SLC30A8: variants seen among roughly 807,000 people sequenced by gnomAD.
SLC30A8 encodes the protein solute carrier family 30 member 8, also known as proton-coupled zinc antiporter SLC30A8.
Under a neutral mutation model 36.9 loss-of-function variants are expected in SLC30A8, and 27 were observed. The observed-to-expected ratio is 0.73, with a 90% confidence interval of 0.54 to 1.01. SLC30A8 has a LOEUF of 1.01. Ranked by LOEUF, SLC30A8 falls within the 50% of genes least tolerant of loss-of-function variation. SLC30A8 has a pLI of 0.00. For missense variants in SLC30A8, 439 were observed against 452.0 expected (o/e 0.97, Z 0.26); for synonymous variants, 164 against 172.4 (o/e 0.95, Z 0.38).
intron 4 of SLC30A8, among the ~76,000 whole-genome samples, chr8:117,159,336 T>C (rs1474693982): frequency 1.3e-5 from 2 of 152,166 alleles, no homozygotes; most frequent in Admixed American, 1.3e-4. Context: ...GAGAAGACAG[T>C]GATCGAAAAA....
intron 1 of SLC30A8, among the ~76,000 whole-genome samples, chr8:117,138,863 C>T (rs1033714870): frequency 2.6e-5 from 4 of 151,968 alleles, no homozygotes; most frequent in African/African-American, 9.7e-5. Flanking sequence ...AGGTACTACT[C>T]ATAGGAGAGG....
chr8:117,092,529 A>G (rs113364281), intron 2 of SLC30A8, among the ~76,000 whole-genome samples: 4 of 152,188 alleles, frequency 2.6e-5, no homozygotes, highest in Non-Finnish European at 5.9e-5. Context: ...TTAGCTAGCC[A>G]TGATTACTAG....
At chr8:117,153,265 TAACA>T (rs1448789770) in intron 3 of SLC30A8, among the ~76,000 whole-genome samples, 175 bp downstream of exon 3, 1 of 152,176 alleles carries the variant, frequency 6.6e-6, no homozygotes, top group African/African-American at 2.4e-5. Context: ...TTAATTCAGA[TAACA>T]GACAGATTAA....
At chr8:117,020,449 T>A (rs952829110) in intron 1 of SLC30A8, among the ~76,000 whole-genome samples, 1 of 152,196 alleles carries the variant, frequency 6.6e-6, no homozygotes, top group African/African-American at 2.4e-5. Flanking sequence ...TTACAAACTG[T>A]CTGGAAAGTA....
chr8:117,108,255 G>A lies in SLC30A8; in HGVS notation c.-225-27025G>A, dbSNP rs2130873146. ...AGTTTTGCCTGCACAAGGACTGCTG[G>A]TTGGGAAGTCTATAGAAGCAGCCAA... is the stretch of plus-strand genomic sequence containing the variant. On this transcript the variant is annotated intron_variant, in intron 2 of 10. Transcript: ENST00000427715. 1.3e-5 allele frequency among the ~76,000 whole-genome samples: 2 copies of A among 152,276 alleles called. 1 individual carries two copies. Among genetic ancestry groups the A allele is most frequent in the South Asian group, 4.1e-4 (2 of 4,822 alleles).
intron 2 of SLC30A8, among the ~76,000 whole-genome samples, chr8:117,045,149 C>T (rs945369770): frequency 6.6e-6 from 1 of 152,194 alleles, no homozygotes; most frequent in East Asian, 1.9e-4. Context: ...ACGATTTGAC[C>T]TTTTAAAGCA....
intron 2 of SLC30A8, among the ~76,000 whole-genome samples, chr8:117,149,713 G>A (rs1252955243): frequency 1.3e-5 from 2 of 152,150 alleles, no homozygotes; most frequent in Non-Finnish European, 2.9e-5. Flanking sequence ...AATGAGCTGG[G>A]CTTGCTGAGC....
intron 1 of SLC30A8, among the ~76,000 whole-genome samples, chr8:116,975,731 G>A (rs534711909): frequency 1.3e-5 from 2 of 152,334 alleles, no homozygotes; most frequent in Non-Finnish European, 2.9e-5. Flanking sequence ...TTGAAGCTGT[G>A]CTAAAGGAGG....
chr8:116,989,166 G>T (rs1815546559), intron 1 of SLC30A8, among the ~76,000 whole-genome samples: 1 of 152,188 alleles, frequency 6.6e-6, no homozygotes, highest in Non-Finnish European at 1.5e-5. Flanking sequence ...TGAATGTGCT[G>T]TACAGCTTTA....
At chr8:117,118,014 G>C (rs941646537) in intron 2 of SLC30A8, among the ~76,000 whole-genome samples, 1 of 151,810 alleles carries the variant, frequency 6.6e-6, no homozygotes, top group African/African-American at 2.4e-5. Context: ...CTGAGATACT[G>C]TCTTTTCCTT....
intron 2 of SLC30A8, among the ~76,000 whole-genome samples, chr8:117,127,533 G>A (rs1325732820): frequency 6.6e-6 from 1 of 151,968 alleles, no homozygotes; most frequent in Non-Finnish European, 1.5e-5. Flanking sequence ...ACCTTCTTGT[G>A]ACATTTTCCT....
intron 2 of SLC30A8, among the ~76,000 whole-genome samples, chr8:117,123,732 A>G (rs1162518664): frequency 6.6e-6 from 1 of 152,028 alleles, no homozygotes; most frequent in Admixed American, 6.6e-5. Context: ...TCACATTTTA[A>G]TTTTATAACA....
intron 2 of SLC30A8, among the ~76,000 whole-genome samples, chr8:117,124,643 A>G (rs1820826026): frequency 7.4e-6 from 1 of 135,772 alleles, no homozygotes; most frequent in Admixed American, 7.2e-5. Flanking sequence ...CCTCCCTTGT[A>G]TCCAGAAAAA....
chr8:117,083,992 G>C (rs1818768924), intron 2 of SLC30A8, among the ~76,000 whole-genome samples: 1 of 152,084 alleles, frequency 6.6e-6, no homozygotes, highest in South Asian at 2.1e-4. Context: ...GCCGCCCCAA[G>C]ATAAGAGCAC....
chr8:116,987,221 A>G, intron 1 of SLC30A8, among the ~76,000 whole-genome samples: 1 of 151,172 alleles, frequency 6.6e-6, no homozygotes, highest in Admixed American at 6.6e-5. Flanking sequence ...ATGGATGATT[A>G]AAATAAACAT....
At chr8:117,075,751 C>T (rs1252474807) in intron 2 of SLC30A8, among the ~76,000 whole-genome samples, 2 of 152,196 alleles carry the variant, frequency 1.3e-5, no homozygotes, top group Admixed American at 1.3e-4. Flanking sequence ...AATCAAGTCA[C>T]TTTCATGTTC....
At chr8:116,990,698 T>C (rs914163907) in intron 1 of SLC30A8, among the ~76,000 whole-genome samples, 2 of 152,132 alleles carry the variant, frequency 1.3e-5, no homozygotes, top group African/African-American at 4.8e-5. Context: ...AAGTCTGAAA[T>C]TGAGTTAATA....
chr8:116,955,465 C>A (rs1012144163), intron 1 of SLC30A8, among the ~76,000 whole-genome samples: 2 of 152,056 alleles, frequency 1.3e-5, no homozygotes, highest in East Asian at 3.9e-4. Flanking sequence ...TGCGGTGGCT[C>A]ACACCTGTAA....
At chr8:117,025,618 A>G (rs1354155366) in intron 1 of SLC30A8, among the ~76,000 whole-genome samples, 1 of 152,212 alleles carries the variant, frequency 6.6e-6, no homozygotes, top group Non-Finnish European at 1.5e-5. Context: ...TTCCAGTTCC[A>G]TTCATATTCT....
Sources: gnomAD v4.1 joint callset for allele counts (sites outside exome capture counted in the v4.1 genomes callset) on GRCh38, gnomAD v4.1.1 for gene constraint, MANE v1.5 for transcripts, NCBI Gene and HGNC (gene_info 2026-07-23, HGNC 2026-07-21) for gene names.